Variants in TMEM161B observed in about 807,000 individuals in gnomAD.
TMEM161B encodes transmembrane protein 161B.
TMEM161B carries 34 observed loss-of-function variants against 61.8 expected under a neutral mutation model. The ratio of observed to expected loss-of-function variants is 0.55; its 90% CI spans 0.42 to 0.73. The LOEUF (loss-of-function observed/expected upper bound fraction) is 0.73, where lower values mean the gene tolerates loss of function less well. TMEM161B is among the 30% of genes least tolerant of loss of function. The pLI is 0.00. For synonymous variants in TMEM161B, 167 were observed against 192.8 expected, an observed-to-expected ratio of 0.87 and a Z score of 1.11; for missense variants, 456 against 558.5, an observed-to-expected ratio of 0.82 and a Z score of 1.85.
chr5:88,235,611 C>A (rs1751728489), intron 2 of TMEM161B, among the ~76,000 whole-genome samples: 1 of 152,104 alleles, frequency 6.6e-6, no homozygotes, highest in African/African-American at 2.4e-5. Flanking sequence ...GGGTCCTTAC[C>A]AGAACCTGAC....
At position 88,244,752 on chromosome 5, in the gene TMEM161B, T is replaced by A. The variant is rs185804473; in HGVS notation, c.4-3836A>T. Among the ~76,000 whole-genome samples the A allele has an allele frequency of 3.7e-3, 560 of 152,026 alleles. 3 individuals are homozygous for A. The highest frequency in any genetic ancestry group is 0.027 in the Middle Eastern group (8 of 294). On this transcript the variant is annotated intron_variant, in intron 1 of 11. Transcript: ENST00000296595. ...TTGGGCAGTATGGCCATTTGGACAA[T>A]ATTAATTCTTCCTATCCAAGAGCAT... is the stretch of plus-strand genomic sequence containing the variant.
In TMEM161B at chr5:88,197,743, A is replaced by G. The variant is rs1303049804; in HGVS notation, c.1112T>C (p.Leu371Pro). ...QKMVARVFYY[L>P]CVIALQYVAP... ...CACATACTGCAGTGCAATGACACAAAGATAATAAAAGACTCGAGCCACCTG... is the reference window on the plus strand; with the variant it reads ...CACATACTGCAGTGCAATGACACAAGGATAATAAAAGACTCGAGCCACCTG... The change falls in exon 11 of 12, where the codon CTT becomes CCT. Residue 371 changes from leucine (L) to proline (P), a missense_variant. Coordinates refer to ENST00000296595, the MANE Select transcript of TMEM161B (RefSeq NM_153354.5). The G allele has an allele frequency of 6.2e-7, 1 of 1,612,660 alleles. No individual in the cohort carries two copies. The highest frequency in any genetic ancestry group is 8.5e-7 in the Non-Finnish European group (1 of 1,179,084).
At chr5:88,253,995 T>C (rs1175070465) in intron 1 of TMEM161B, among the ~76,000 whole-genome samples, 1 of 151,450 alleles carries the variant, frequency 6.6e-6, no homozygotes, top group African/African-American at 2.4e-5. Flanking sequence ...CTAGAATACA[T>C]ATATATATAA....
intron 11 of TMEM161B, among the ~76,000 whole-genome samples, chr5:88,197,048 T>C (rs1408292629): frequency 3.3e-5 from 5 of 152,148 alleles, no homozygotes; most frequent in African/African-American, 4.8e-5. Context: ...TCATCAAGTC[T>C]ATGACACCTA....
downstream of TMEM161B, among the ~76,000 whole-genome samples, chr5:88,186,842 G>A (rs1748382115): frequency 6.6e-6 from 1 of 152,078 alleles, no homozygotes; most frequent in Non-Finnish European, 1.5e-5. Context: ...GGCAGAGGTT[G>A]CAGTGAGCTG....
rs759669294 is a variant in TMEM161B, at chr5:88,207,169, A to C, written c.458T>G (p.Phe153Cys). 16 of 1,605,722 alleles carry C rather than the reference A, an allele frequency of 1.0e-5. No homozygotes were observed. Among genetic ancestry groups the C allele is most frequent in the Non-Finnish European group, 1.4e-5 (16 of 1,177,554 alleles). Residue 153 changes from phenylalanine to cysteine, a missense_variant, in exon 6 of 12, where the codon TTT becomes TGT. Around this residue, in one of 3 missense-constraint regions of TMEM161B, gnomAD observed 367 missense variants for 427.3 expected, o/e 0.86. Coordinates refer to ENST00000296595, the MANE Select transcript of TMEM161B (RefSeq NM_153354.5). ...TTTAAAATAGTGTGTAGTTAATGAA[A>C]ATAGAACTTTGCTGCAGAAGGAAAA... ...LVLSFAIKVL[F>C]SLTTHYFKVE...
chr5:88,213,969 T>C (rs1016361880), intron 5 of TMEM161B, among the ~76,000 whole-genome samples: 2 of 152,180 alleles, frequency 1.3e-5, no homozygotes, highest in Non-Finnish European at 2.9e-5. Flanking sequence ...CAGAACATTT[T>C]TGTAAATAAA....
intron 9 of TMEM161B, chr5:88,202,324 A>G (rs1028756572): frequency 7.7e-6 from 2 of 260,546 alleles, no homozygotes; most frequent in Admixed American, 9.1e-5. Context: ...TTCTGCTAAA[A>G]TACAGTTGCC....
chr5:88,192,758 T>C (rs1749085160), downstream of TMEM161B, among the ~76,000 whole-genome samples: 1 of 152,228 alleles, frequency 6.6e-6, no homozygotes, highest in Non-Finnish European at 1.5e-5. Context: ...AATAAAGCCA[T>C]ATACCTTGAT....
intron 2 of TMEM161B, among the ~76,000 whole-genome samples, chr5:88,236,896 C>G (rs1391042914): frequency 6.6e-6 from 1 of 152,056 alleles, no homozygotes. Context: ...AAATAAATTA[C>G]TCCGTAAACT....
exon 13 of TMEM161B, chr5:88,189,757 GTATTT>G: frequency 3.5e-6 from 1 of 286,814 alleles, no homozygotes; most frequent in African/African-American, 2.1e-5. Flanking sequence ...CTATGATATA[GTATTT>G]TATAAGGGGA....
At chr5:88,250,197 G>A (rs995723175) in intron 1 of TMEM161B, among the ~76,000 whole-genome samples, 3 of 151,108 alleles carry the variant, frequency 2.0e-5, no homozygotes, top group Non-Finnish European at 4.5e-5. Flanking sequence ...GAGAGAAAGA[G>A]AGAGAGAGAG....
chr5:88,191,387 G>T (rs1748832899), downstream of TMEM161B, among the ~76,000 whole-genome samples: 1 of 152,154 alleles, frequency 6.6e-6, no homozygotes, highest in Non-Finnish European at 1.5e-5. Context: ...TCCACTAGAT[G>T]CTAAGCTCTT....
chr5:88,199,177 C>T lies in TMEM161B; in HGVS notation c.915-27G>A. 3.2e-6 allele frequency: 5 copies of T among 1,575,114 alleles called. No individual in the cohort carries two copies. In the South Asian group the frequency reaches 4.6e-5, roughly 15 times the overall value. On this transcript the variant is annotated intron_variant, in intron 9 of 11. Coordinates refer to ENST00000296595, the MANE Select transcript of TMEM161B (RefSeq NM_153354.5). ...TACAGATCAAAAAGTTGATACGGTG[C>T]TCTCAAAGACAACAATATGCTAGCA...
At chr5:88,224,438 T>C (rs2112551057) in intron 4 of TMEM161B, among the ~76,000 whole-genome samples, 1 of 152,260 alleles carries the variant, frequency 6.6e-6, no homozygotes, top group South Asian at 2.1e-4. Context: ...ATTAATATTA[T>C]TTTAAACTAG....
At chr5:88,242,014 C>T (rs1471528868) in intron 1 of TMEM161B, among the ~76,000 whole-genome samples, 2 of 151,704 alleles carry the variant, frequency 1.3e-5, no homozygotes, top group Non-Finnish European at 3.0e-5. Context: ...CAGGAACTTC[C>T]GCTATTGAAT....
At chr5:88,230,239 A>G (rs1034654236) in intron 2 of TMEM161B, among the ~76,000 whole-genome samples, 1 of 152,276 alleles carries the variant, frequency 6.6e-6, no homozygotes, top group Admixed American at 6.5e-5. Context: ...TAGAACTGGC[A>G]ATCTGAGTAC....
At chr5:88,206,605 T>G in intron 6 of TMEM161B, 106 bp from the exon 7 acceptor site, 1 of 1,132,426 alleles carries the variant, frequency 8.8e-7, no homozygotes, top group Non-Finnish European at 1.2e-6. Context: ...TCTTAAATTT[T>G]GAAGTGACTA....
At chr5:88,261,201 T>C (rs749707083) in intron 1 of TMEM161B, among the ~76,000 whole-genome samples, 1 of 152,090 alleles carries the variant, frequency 6.6e-6, no homozygotes, top group Non-Finnish European at 1.5e-5. Context: ...AATACTTTGG[T>C]ATAAATCTAA....
Sources: gnomAD v4.1 joint callset for allele counts (sites outside exome capture counted in the v4.1 genomes callset) on GRCh38, gnomAD v4.1.1 for gene constraint, gnomAD v4.1.1 regional missense constraint, MANE v1.5 for transcripts, NCBI Gene and HGNC (gene_info 2026-07-23, HGNC 2026-07-21) for gene names.